FRMD4A: variants seen among roughly 807,000 people sequenced by gnomAD.
FRMD4A encodes FERM domain containing 4A.
FRMD4A carries 29 observed loss-of-function variants against 129.1 expected under a neutral mutation model. The ratio of observed to expected loss-of-function variants is 0.22; its 90% CI spans 0.17 to 0.31. FRMD4A has a LOEUF of 0.31. FRMD4A is among the 10% of genes least tolerant of loss of function. The pLI is 1.00. For missense variants in FRMD4A, 1,272 were observed against 1,375.8 expected (o/e 0.92, Z 1.19); for synonymous variants, 634 against 571.6 (o/e 1.11, Z -1.56).
intron 2 of FRMD4A, among the ~76,000 whole-genome samples, chr10:14,046,872 C>T (rs1180417075): frequency 1.3e-5 from 2 of 152,142 alleles, no homozygotes; most frequent in African/African-American, 2.4e-5. Context: ...CCAGTGCTAA[C>T]TCCCACCATT....
At chr10:14,190,535 A>G (rs1405355698) in intron 2 of FRMD4A, among the ~76,000 whole-genome samples, 16 of 152,082 alleles carry the variant, frequency 1.1e-4, no homozygotes, top group Admixed American at 3.3e-4. Context: ...GACCACAGGC[A>G]CATGCTATCA....
At chr10:14,220,722 C>A (rs1843221741) in intron 2 of FRMD4A, among the ~76,000 whole-genome samples, 1 of 151,900 alleles carries the variant, frequency 6.6e-6, no homozygotes, top group African/African-American at 2.4e-5. Flanking sequence ...AGGAGGGGTG[C>A]CTCCATGGAG....
chr10:14,066,075 G>T (rs113443389), intron 2 of FRMD4A, among the ~76,000 whole-genome samples: 1 of 150,280 alleles, frequency 6.7e-6, no homozygotes, highest in Non-Finnish European at 1.5e-5. Flanking sequence ...GATAGAGAAT[G>T]GTGGTAGCTC....
At chr10:14,184,312 T>TTTTTTTTTTTTTTTTTTTTTTTG (rs1564370207) in intron 2 of FRMD4A, among the ~76,000 whole-genome samples, 1 of 147,568 alleles carries the variant, frequency 6.8e-6, no homozygotes, top group Admixed American at 6.8e-5. Flanking sequence ...TTTTTTTTTT[T>TTTTTTTTTTTTTTTTTTTTTTTG]TTAGTAGAGA....
chr10:13,761,703 C>T (rs1339799687), intron 7 of FRMD4A, 34 bp from the exon 8 acceptor site: 1 of 1,508,958 alleles, frequency 6.6e-7, no homozygotes, highest in East Asian at 2.3e-5. Context: ...CAGCGAAATA[C>T]ACTAAGCCAA....
At chr10:14,308,106 G>C (rs755070583) in intron 2 of FRMD4A, among the ~76,000 whole-genome samples, 1 of 152,240 alleles carries the variant, frequency 6.6e-6, no homozygotes, top group Non-Finnish European at 1.5e-5. Flanking sequence ...TCAAACAAAG[G>C]AGGACTTGCT....
intron 9 of FRMD4A, chr10:13,744,590 C>G (rs909841921): frequency 6.6e-6 from 1 of 152,164 alleles, no homozygotes; most frequent in Non-Finnish European, 1.5e-5. Context: ...AGAGGCTTGG[C>G]TGGGATGCTA....
chr10:14,000,668 A>AAAAAAAAAAAAAAAAAAAAAAAAAAAGG (rs1555009702), intron 2 of FRMD4A, among the ~76,000 whole-genome samples: 1 of 74,520 alleles, frequency 1.3e-5, no homozygotes, highest in African/African-American at 3.1e-5. Flanking sequence ...AAAAAAAAAA[A>AAAAAAAAAAAAAAAAAAAAAAAAAAAGG]GAGAAGAAAG....
At chr10:14,046,716 G>A (rs542257647) in intron 2 of FRMD4A, among the ~76,000 whole-genome samples, 2 of 152,282 alleles carry the variant, frequency 1.3e-5, no homozygotes, top group Admixed American at 6.5e-5. Context: ...GGTGCTCACG[G>A]CTGTAATGCT....
intron 8 of FRMD4A, among the ~76,000 whole-genome samples, chr10:13,750,889 T>A (rs1326050698): frequency 6.6e-6 from 1 of 152,200 alleles, no homozygotes. Flanking sequence ...AGGCATAGTT[T>A]CAGCAAGTAT....
At chr10:14,100,657 G>C (rs1196774719) in intron 2 of FRMD4A, among the ~76,000 whole-genome samples, 1 of 152,032 alleles carries the variant, frequency 6.6e-6, no homozygotes, top group African/African-American at 2.4e-5. Context: ...ATCTGTTCAA[G>C]ATTGTTGAAG....
intron 2 of FRMD4A, among the ~76,000 whole-genome samples, chr10:14,234,665 T>C (rs7902063): frequency 0.26 from 40,158 of 152,206 alleles, 5,430 homozygotes; most frequent in Middle Eastern, 0.35. Context: ...CCTGGCTTTG[T>C]TCTACAAACA....
chr10:13,732,279 C>T (rs1399282816), intron 12 of FRMD4A, among the ~76,000 whole-genome samples: 2 of 151,960 alleles, frequency 1.3e-5, no homozygotes, highest in African/African-American at 4.8e-5. Context: ...CTTTTCTGGA[C>T]AGTCATCAGC....
chr10:13,975,207 A>G (rs2095537453), intron 2 of FRMD4A, among the ~76,000 whole-genome samples: 1 of 146,122 alleles, frequency 6.8e-6, no homozygotes, highest in Non-Finnish European at 1.5e-5. Flanking sequence ...TATGTCTATC[A>G]TATGTTAATG....
chr10:14,231,536 C>T (rs7075509), intron 2 of FRMD4A, among the ~76,000 whole-genome samples: 37,277 of 151,930 alleles, frequency 0.25, 4,666 homozygotes, highest in East Asian at 0.3. Context: ...TTAGTAGAGA[C>T]GAGGTTTCAC....
chr10:13,649,538 G>A (rs1402984575), intron 24 of FRMD4A: 1 of 150,770 alleles, frequency 6.6e-6, no homozygotes. Context: ...TCCTGCCTCT[G>A]AGAAAATGAA....
intron 2 of FRMD4A, among the ~76,000 whole-genome samples, chr10:14,251,866 C>T (rs890328937): frequency 1.3e-5 from 2 of 151,476 alleles, no homozygotes; most frequent in Non-Finnish European, 1.5e-5. Context: ...GAAGATCAAA[C>T]GAGCATGTGT....
intron 2 of FRMD4A, among the ~76,000 whole-genome samples, chr10:13,973,117 C>A (rs1354365827): frequency 2.0e-5 from 3 of 152,194 alleles, no homozygotes; most frequent in Non-Finnish European, 4.4e-5. Flanking sequence ...ATAATACCTA[C>A]CTCACTAGGT....
At chr10:13,680,666 C>T (rs1003428752) in intron 15 of FRMD4A, among the ~76,000 whole-genome samples, 2 of 151,794 alleles carry the variant, frequency 1.3e-5, no homozygotes, top group African/African-American at 2.4e-5. Context: ...GCGGAGGTTG[C>T]GGTGAGCTGA....
Sources: gnomAD v4.1 joint callset for allele counts (sites outside exome capture counted in the v4.1 genomes callset) on GRCh38, gnomAD v4.1.1 for gene constraint, MANE v1.5 for transcripts, NCBI Gene and HGNC (gene_info 2026-07-23, HGNC 2026-07-21) for gene names.